The following PDE3B variants were observed in gnomAD, a reference collection of about 807,000 sequenced individuals.
The protein encoded by PDE3B is phosphodiesterase 3B, also known as cGMP-inhibited 3',5'-cyclic phosphodiesterase 3B.
Under a neutral mutation model 116.8 loss-of-function variants are expected in PDE3B, and 66 were observed. That is an observed-to-expected ratio of 0.56 (90% CI 0.46 to 0.69). The LOEUF (loss-of-function observed/expected upper bound fraction) is 0.69, where lower values mean the gene tolerates loss of function less well. PDE3B is among the 30% of genes least tolerant of loss of function. The probability of loss-of-function intolerance (pLI) is 0.00; values close to 1 mark genes in which losing one functional copy is unlikely to be tolerated. For missense variants in PDE3B, 1,384 were observed against 1,368.1 expected (o/e 1.01, Z -0.18); for synonymous variants, 595 against 533.6 (o/e 1.12, Z -1.59).
At chr11:14,668,060 A>G (rs1051652654) in intron 1 of PDE3B, among the ~76,000 whole-genome samples, 3 of 152,044 alleles carry the variant, frequency 2.0e-5, no homozygotes, top group Non-Finnish European at 2.9e-5. Context: ...GAAGCATACA[A>G]TCCTATTTCA....
the PDE3B span, chr11:14,880,148 G>C: frequency 3.1e-6 from 5 of 1,612,666 alleles, no homozygotes; most frequent in Admixed American, 3.3e-5. Flanking sequence ...TGAATATTAG[G>C]ATAAAGGGCC....
At chr11:14,778,508 A>G (rs972690615) in intron 2 of PDE3B, among the ~76,000 whole-genome samples, 1 of 152,232 alleles carries the variant, frequency 6.6e-6, no homozygotes, top group Non-Finnish European at 1.5e-5. Context: ...GCCTTTCTGC[A>G]ATATTTGCAG....
intron 5 of PDE3B, among the ~76,000 whole-genome samples, chr11:14,816,186 C>T (rs904944371): frequency 6.6e-6 from 1 of 152,158 alleles, no homozygotes; most frequent in Non-Finnish European, 1.5e-5. Context: ...ATGAGGCCCA[C>T]CCATGTTATG....
chr11:14,674,486 GA>G, intron 1 of PDE3B: 1 of 564,542 alleles, frequency 1.8e-6, no homozygotes, highest in South Asian at 1.4e-5. Context: ...TCATGAAGAA[GA>G]GGCCCATGAA....
intron 1 of PDE3B, among the ~76,000 whole-genome samples, chr11:14,705,926 A>G (rs1053393943): frequency 1.3e-5 from 2 of 152,024 alleles, no homozygotes; most frequent in South Asian, 2.1e-4. Context: ...TAAAAAAGCT[A>G]TACAATTAAA....
intron 5 of PDE3B, among the ~76,000 whole-genome samples, chr11:14,815,246 A>AT (rs1859286816): frequency 6.6e-6 from 1 of 152,194 alleles, no homozygotes; most frequent in Admixed American, 6.6e-5. Context: ...ACAACTATTC[A>AT]TTTTCTATTG....
At chr11:14,700,825 G>C (rs1855339573) in intron 1 of PDE3B, 1 of 151,738 alleles carries the variant, frequency 6.6e-6, no homozygotes, top group Non-Finnish European at 1.5e-5. Flanking sequence ...AAGAGCAAAA[G>C]GTCAGTTGGA....
rs780273176 is a variant in PDE3B, at chr11:14,832,782, C to T, written c.2155C>T (p.Gln719Ter). ...GGAAATATTTAAAATTCCCACTCAA[C>T]AATTTATGAACTATTTTCGTGCATT... ...LLEIFKIPTQ[Q>*]FMNYFRALEN... is the part of the protein sequence containing the mutation. Residue 719 changes from glutamine (Q) to a stop codon, truncating the protein, a stop_gained, in exon 10 of 16, where the codon CAA becomes TAA. Coordinates refer to ENST00000282096, the MANE Select transcript of PDE3B (RefSeq NM_000922.4). LOFTEE classifies it high-confidence loss of function. The T allele has an allele frequency of 6.5e-7, 1 of 1,540,266 alleles. No individual in the cohort carries two copies. The highest frequency in any genetic ancestry group is 1.7e-5 in the Admixed American group (1 of 57,158).
At chr11:14,743,762 A>G (rs926705728) in intron 1 of PDE3B, among the ~76,000 whole-genome samples, 8 of 152,160 alleles carry the variant, frequency 5.3e-5, no homozygotes, top group Admixed American at 1.3e-4. Context: ...CTGGGCCGCA[A>G]TGCACCATTC....
chr11:14,875,688 C>T (rs549259094), downstream of PDE3B, among the ~76,000 whole-genome samples: 7 of 152,222 alleles, frequency 4.6e-5, no homozygotes, highest in Admixed American at 2.0e-4. Flanking sequence ...GAAAAACAGC[C>T]TTATAAATAG....
chr11:14,772,653 G>C (rs1448597644), intron 2 of PDE3B: 1 of 151,766 alleles, frequency 6.6e-6, no homozygotes, highest in African/African-American at 2.4e-5. Context: ...ATACACAAAT[G>C]GAATAATATG....
At chr11:14,693,928 T>TTTC (rs1855125552) in intron 1 of PDE3B, among the ~76,000 whole-genome samples, 2 of 152,144 alleles carry the variant, frequency 1.3e-5, no homozygotes, top group African/African-American at 4.8e-5. Flanking sequence ...CTAGATGCCC[T>TTTC]TAAGAACATT....
chr11:14,780,837 G>A (rs1857970156), intron 2 of PDE3B, among the ~76,000 whole-genome samples: 3 of 152,158 alleles, frequency 2.0e-5, no homozygotes, highest in South Asian at 4.1e-4. Flanking sequence ...GAAGGAGATA[G>A]AGACACAAAA....
At chr11:14,854,794 C>T (rs1162625866) in intron 12 of PDE3B, among the ~76,000 whole-genome samples, 1 of 152,114 alleles carries the variant, frequency 6.6e-6, no homozygotes, top group Non-Finnish European at 1.5e-5. Context: ...GGATTACAGG[C>T]GTGAGCCACC....
At chr11:14,723,886 T>C (rs1856201022) in intron 1 of PDE3B, among the ~76,000 whole-genome samples, 1 of 152,178 alleles carries the variant, frequency 6.6e-6, no homozygotes, top group South Asian at 2.1e-4. Context: ...GGTGTGAGAT[T>C]AGGCTGGAAA....
intron 1 of PDE3B, among the ~76,000 whole-genome samples, chr11:14,749,841 A>G (rs1014121859): frequency 7.6e-6 from 1 of 130,806 alleles, no homozygotes; most frequent in Non-Finnish European, 1.6e-5. Flanking sequence ...AAATATATAT[A>G]TATTTATTTA....
intron 1 of PDE3B, 33 bp downstream of exon 1, chr11:14,645,086 G>T: frequency 1.3e-6 from 2 of 1,510,100 alleles, no homozygotes; most frequent in South Asian, 2.5e-5. Flanking sequence ...TCTGGGACGC[G>T]AGCGGGTTCG....
At chr11:14,815,190 C>T (rs941436840) in intron 5 of PDE3B, among the ~76,000 whole-genome samples, 1 of 152,034 alleles carries the variant, frequency 6.6e-6, no homozygotes, top group African/African-American at 2.4e-5. Flanking sequence ...TGAGAAGGAA[C>T]TAGAATTCAG....
intron 1 of PDE3B, among the ~76,000 whole-genome samples, chr11:14,729,024 A>G (rs559242123): frequency 6.6e-6 from 1 of 152,160 alleles, no homozygotes; most frequent in East Asian, 1.9e-4. Flanking sequence ...CACCTTGTCT[A>G]CTCCCATACA....
Sources: allele counts gnomAD v4.1 joint callset (sites outside exome capture counted in the v4.1 genomes callset), GRCh38; gene constraint gnomAD v4.1.1; transcripts MANE v1.5; gene names NCBI Gene and HGNC (gene_info 2026-07-23, HGNC 2026-07-21).